Variants in SCUBE1 observed in about 807,000 individuals in gnomAD.
SCUBE1 encodes the protein signal peptide, CUB and EGF-like domain-containing protein 1.
A neutral mutation model predicts 124.4 loss-of-function variants in SCUBE1; 59 were observed. The ratio of observed to expected loss-of-function variants is 0.47; its 90% CI spans 0.38 to 0.59. The LOEUF is 0.59. Ranked by LOEUF, SCUBE1 falls within the 20% of genes least tolerant of loss-of-function variation. SCUBE1 has a pLI of 0.00. For synonymous variants in SCUBE1, 545 were observed against 550.9 expected, an observed-to-expected ratio of 0.99 and a Z score of 0.15; for missense variants, 1,150 against 1,371.2, an observed-to-expected ratio of 0.84 and a Z score of 2.55.
chr22:43,252,815 G>A (rs1039191151), intron 6 of SCUBE1, among the ~76,000 whole-genome samples: 3 of 152,074 alleles, frequency 2.0e-5, no homozygotes, highest in Non-Finnish European at 2.9e-5. Flanking sequence ...GGATGGGAAC[G>A]GTCACCTCCC....
chr22:43,327,051 C>T (rs1022863311), intron 2 of SCUBE1, among the ~76,000 whole-genome samples: 2 of 152,194 alleles, frequency 1.3e-5, no homozygotes, highest in Non-Finnish European at 2.9e-5. Context: ...CAGAAACGAG[C>T]AGAGCCCGAG....
At chr22:43,239,914 G>A (rs1922934952) in intron 6 of SCUBE1, among the ~76,000 whole-genome samples, 2 of 152,166 alleles carry the variant, frequency 1.3e-5, no homozygotes, top group African/African-American at 2.4e-5. Flanking sequence ...CTCCCTTAAC[G>A]GTCTCCCTAA....
intron 6 of SCUBE1, among the ~76,000 whole-genome samples, chr22:43,248,117 T>C (rs1433742774): frequency 2.0e-5 from 3 of 152,158 alleles, no homozygotes; most frequent in African/African-American, 7.2e-5. Context: ...TGGGCCAGAA[T>C]CTAGGAGAGA....
intron 9 of SCUBE1, 69 bp downstream of exon 9, chr22:43,229,003 A>G (rs1922440862): frequency 9.1e-7 from 1 of 1,099,088 alleles, no homozygotes; most frequent in Admixed American, 1.9e-5. Flanking sequence ...TGCGGGGTGC[A>G]GTGTAGGTGG....
chr22:43,205,555 ATC>A (rs1259638827), intron 21 of SCUBE1, among the ~76,000 whole-genome samples: 1 of 151,282 alleles, frequency 6.6e-6, no homozygotes, highest in African/African-American at 2.4e-5. Flanking sequence ...GCACACACTC[ATC>A]TCTGTGTACA....
chr22:43,214,758 T>G (rs1310913217), intron 15 of SCUBE1, among the ~76,000 whole-genome samples: 1 of 152,198 alleles, frequency 6.6e-6, no homozygotes, highest in Non-Finnish European at 1.5e-5. Context: ...GAGGAGATGA[T>G]GGGCTGAAGA....
At chr22:43,248,976 G>T (rs932249739) in intron 6 of SCUBE1, among the ~76,000 whole-genome samples, 1 of 152,214 alleles carries the variant, frequency 6.6e-6, no homozygotes, top group Non-Finnish European at 1.5e-5. Context: ...CTGAGGGGGG[G>T]CACCAAGCTG....
intron 3 of SCUBE1, among the ~76,000 whole-genome samples, chr22:43,292,896 G>C (rs538432517): frequency 1.3e-5 from 2 of 152,252 alleles, no homozygotes; most frequent in African/African-American, 4.8e-5. Flanking sequence ...TCTAAAAGCC[G>C]CCAGTGGTTA....
At chr22:43,224,826 T>A (rs975866521) in intron 10 of SCUBE1, among the ~76,000 whole-genome samples, 2 of 152,156 alleles carry the variant, frequency 1.3e-5, no homozygotes, top group Non-Finnish European at 2.9e-5. Context: ...ATGGGCTGGT[T>A]ATGCCAAGGC....
Position 43,255,381 on chromosome 22 carries a change from C to G in SCUBE1, c.727+2838G>C, listed in dbSNP as rs1569508063. 2.1e-6 allele frequency: 2 copies of G among 969,218 alleles called. No homozygotes were observed. Among genetic ancestry groups the G allele is most frequent in the Non-Finnish European group, 3.2e-6 (2 of 624,050 alleles). The allele number at this position is 969,218 out of a possible 1,614,324, so 60.0% of individuals were successfully genotyped here. ...CACACGCACACGTCACACCCACACACAGCACACACACGCCCATGTCCACAT... is the reference window on the plus strand; with the variant it reads ...CACACGCACACGTCACACCCACACAGAGCACACACACGCCCATGTCCACAT... On this transcript the variant is annotated intron_variant, in intron 6 of 21. Coordinates refer to ENST00000360835, the MANE Select transcript of SCUBE1 (RefSeq NM_173050.5). The surrounding 1 kb of genome is among the most constrained non-coding windows in gnomAD (Gnocchi z 4.7).
At chr22:43,315,326 C>T (rs1357036728) in intron 3 of SCUBE1, among the ~76,000 whole-genome samples, 4 of 151,896 alleles carry the variant, frequency 2.6e-5, no homozygotes, top group East Asian at 1.9e-4. Context: ...GAACAGGTCC[C>T]GAACTATAAA....
At chr22:43,252,725 C>T (rs1923501476) in intron 6 of SCUBE1, among the ~76,000 whole-genome samples, 1 of 152,202 alleles carries the variant, frequency 6.6e-6, no homozygotes. Flanking sequence ...GTTCTGAGCC[C>T]CTCACCATCT....
intron 4 of SCUBE1, among the ~76,000 whole-genome samples, chr22:43,281,637 TG>T (rs1308712175): frequency 3.4e-5 from 5 of 145,738 alleles, no homozygotes; most frequent in Non-Finnish European, 7.4e-5. Context: ...TCACCTCCCC[TG>T]GCCATCCTCC....
intron 3 of SCUBE1, among the ~76,000 whole-genome samples, chr22:43,303,296 C>T (rs1277206300): frequency 6.6e-6 from 1 of 152,266 alleles, no homozygotes; most frequent in Non-Finnish European, 1.5e-5. Context: ...GCGTGAGCGT[C>T]CTTGGCACAC....
chr22:43,212,235 C>T lies in SCUBE1; in HGVS notation c.2221+190G>A, dbSNP rs145593641. Among the ~76,000 whole-genome samples the T allele has an allele frequency of 1.6e-3, 248 of 152,356 alleles. 4 individuals carry two copies. In the East Asian group the frequency reaches 0.042, roughly 26 times the overall value. ...CCCCTGGAGCTCAGAAAGCTCTCAG[C>T]TATAAGGTGTCCCTGTCCTAATGCG... On this transcript the variant is annotated intron_variant, in intron 17 of 21. Transcript: ENST00000360835.
At chr22:43,294,250 G>A (rs1482305522) in intron 3 of SCUBE1, among the ~76,000 whole-genome samples, 2 of 152,236 alleles carry the variant, frequency 1.3e-5, no homozygotes, top group African/African-American at 4.8e-5. Context: ...TCTCTTGGGT[G>A]GCTTGAGGCC....
intron 15 of SCUBE1, among the ~76,000 whole-genome samples, chr22:43,216,696 C>T (rs1050422088): frequency 2.0e-5 from 3 of 151,968 alleles, no homozygotes; most frequent in African/African-American, 7.3e-5. Context: ...AAGATGACAT[C>T]ACCAAGCTCC....
intron 4 of SCUBE1, among the ~76,000 whole-genome samples, chr22:43,265,912 C>G (rs542994094): frequency 1.3e-5 from 2 of 152,252 alleles, no homozygotes; most frequent in East Asian, 1.9e-4. Flanking sequence ...ACTAGCCTGG[C>G]CAACGTGGTA....
chr22:43,256,881 C>T (rs1442394743), intron 6 of SCUBE1, among the ~76,000 whole-genome samples: 1 of 152,236 alleles, frequency 6.6e-6, no homozygotes, highest in Non-Finnish European at 1.5e-5. Flanking sequence ...AATAGAGACA[C>T]TGGTCTGAGA....
Sources: gnomAD v4.1 joint callset for allele counts (sites outside exome capture counted in the v4.1 genomes callset) on GRCh38, gnomAD v4.1.1 for gene constraint, Gnocchi (gnomAD v3.1) non-coding constraint, MANE v1.5 for transcripts, NCBI Gene and HGNC (gene_info 2026-07-23, HGNC 2026-07-21) for gene names.